ARFIP1: variants seen among roughly 807,000 people sequenced by gnomAD.
The protein encoded by ARFIP1 is arfaptin-1.
In ARFIP1, 24 loss-of-function variants were observed where a neutral mutation model predicts 42.5. That is an observed-to-expected ratio of 0.57 (90% confidence interval 0.41 to 0.80). The LOEUF (loss-of-function observed/expected upper bound fraction) is 0.80, where lower values mean the gene tolerates loss of function less well. ARFIP1 is among the 30% of genes least tolerant of loss of function. ARFIP1 has a pLI of 0.00. For synonymous variants in ARFIP1, 141 were observed against 153.7 expected (o/e 0.92, Z 0.61); for missense variants, 354 against 434.0 (o/e 0.82, Z 1.64).
At chr4:152,904,171 TG>T (rs1561185637) in intron 8 of ARFIP1, among the ~76,000 whole-genome samples, 2 of 32,198 alleles carry the variant, frequency 6.2e-5, no homozygotes, top group African/African-American at 2.2e-4. Context: ...TATATATATG[TG>T]TGTGTGTGTA....
intron 1 of ARFIP1, chr4:152,795,932 A>G (rs554093800): frequency 6.0e-5 from 12 of 198,720 alleles, no homozygotes; most frequent in African/African-American, 1.2e-4. Flanking sequence ...CCCCATTTTA[A>G]TGTTTACAAG....
chr4:152,785,448 G>C (rs912661747), intron 1 of ARFIP1, among the ~76,000 whole-genome samples: 1 of 152,130 alleles, frequency 6.6e-6, no homozygotes, highest in Non-Finnish European at 1.5e-5. Flanking sequence ...GTTTAAGCCC[G>C]TGATCTGTAA....
rs1257834073 is a variant in ARFIP1 at position 152,876,603 on chromosome 4, C to CAGGCCAGCTGCAGAAATTT, written c.411+4040_411+4058dup. 5.9e-5 allele frequency among the ~76,000 whole-genome samples: 9 copies of CAGGCCAGCTGCAGAAATTT among 152,330 alleles called. No homozygotes were observed. The South Asian group carries it at 1.9e-3, about 32-fold the overall frequency. ...AAAAACCCATTTTGGGGGAGAAATT[C>CAGGCCAGCTGCAGAAATTT]AGGCCAGCTGCAGAAATTTGCATAA... is the stretch of plus-strand genomic sequence containing the variant. On this transcript the variant is annotated intron_variant, in intron 5 of 8. Transcript: ENST00000353617.
chr4:152,870,260 T>C (rs2149882635), intron 3 of ARFIP1, among the ~76,000 whole-genome samples: 1 of 152,354 alleles, frequency 6.6e-6, no homozygotes, highest in South Asian at 2.1e-4. Flanking sequence ...AATTTTTGGC[T>C]ACAATTCCTG....
intron 3 of ARFIP1, among the ~76,000 whole-genome samples, chr4:152,870,371 A>T (rs1734776759): frequency 6.6e-6 from 1 of 152,164 alleles, no homozygotes; most frequent in Admixed American, 6.5e-5. Flanking sequence ...CTTTTCCTTT[A>T]TATATGAGAG....
At chr4:152,822,597 A>G (rs1011850364) in intron 1 of ARFIP1, among the ~76,000 whole-genome samples, 1 of 152,224 alleles carries the variant, frequency 6.6e-6, no homozygotes, top group Non-Finnish European at 1.5e-5. Flanking sequence ...CCACCCAGGA[A>G]CCGCAGAATA....
At chr4:152,824,312 A>G (rs1423353926) in intron 1 of ARFIP1, among the ~76,000 whole-genome samples, 1 of 134,134 alleles carries the variant, frequency 7.5e-6, no homozygotes, top group African/African-American at 2.7e-5. Flanking sequence ...GACTCTTATC[A>G]AAAAAAAAAA....
intron 2 of ARFIP1, among the ~76,000 whole-genome samples, chr4:152,837,391 T>C (rs992923517): frequency 3.7e-4 from 56 of 152,316 alleles, no homozygotes; most frequent in African/African-American, 1.3e-3. Flanking sequence ...ACATTCCCAC[T>C]AGCAGTGGAG....
At chr4:152,780,954 C>T (rs1369780419) in intron 1 of ARFIP1, among the ~76,000 whole-genome samples, 3 of 152,180 alleles carry the variant, frequency 2.0e-5, no homozygotes, top group African/African-American at 7.2e-5. Context: ...ACACTTTATA[C>T]TTCCTGCAGA....
chr4:152,829,541 G>C (rs1482857401), intron 1 of ARFIP1, 84 bp from the exon 2 acceptor site: 5 of 747,954 alleles, frequency 6.7e-6, no homozygotes, highest in Non-Finnish European at 1.0e-5. Context: ...ATATTAAAAC[G>C]GTGGCTTGTA....
At chr4:152,895,455 T>C (rs1439449060) in intron 8 of ARFIP1, among the ~76,000 whole-genome samples, 3 of 151,444 alleles carry the variant, frequency 2.0e-5, no homozygotes, top group Non-Finnish European at 4.4e-5. Flanking sequence ...GGTGCAGTCA[T>C]AGCTTACTGT....
chr4:152,808,587 C>T (rs1194170207), intron 1 of ARFIP1, among the ~76,000 whole-genome samples: 1 of 151,824 alleles, frequency 6.6e-6, no homozygotes, highest in Non-Finnish European at 1.5e-5. Context: ...TTTTTACCAA[C>T]TTTTACTTGT....
At chr4:152,844,239 C>T (rs968159452) in intron 2 of ARFIP1, among the ~76,000 whole-genome samples, 1 of 152,200 alleles carries the variant, frequency 6.6e-6, no homozygotes, top group South Asian at 2.1e-4. Context: ...TTCCCACTTC[C>T]GTAGTTGGGG....
At chr4:152,828,286 A>C (rs1480088089) in intron 1 of ARFIP1, among the ~76,000 whole-genome samples, 1 of 152,194 alleles carries the variant, frequency 6.6e-6, no homozygotes, top group African/African-American at 2.4e-5. Flanking sequence ...GAAACTACCA[A>C]ACTCTGTTTC....
intron 8 of ARFIP1, among the ~76,000 whole-genome samples, chr4:152,896,548 A>C (rs964435438): frequency 6.6e-6 from 1 of 152,156 alleles, no homozygotes; most frequent in Non-Finnish European, 1.5e-5. Flanking sequence ...ATGTATAATC[A>C]TATTTTCTTG....
At chr4:152,810,714 G>A (rs932006426) in intron 1 of ARFIP1, among the ~76,000 whole-genome samples, 4 of 152,144 alleles carry the variant, frequency 2.6e-5, no homozygotes, top group African/African-American at 9.7e-5. Flanking sequence ...TACTTGGGAG[G>A]CTGAGGCAGG....
intron 1 of ARFIP1, chr4:152,796,127 T>A: frequency 1.3e-6 from 1 of 749,546 alleles, no homozygotes; most frequent in East Asian, 2.5e-5. Flanking sequence ...CTGGGCATAT[T>A]TCCCCAAATA....
At chr4:152,882,645 T>C in intron 6 of ARFIP1, 78 bp from the exon 7 acceptor site, 2 of 1,356,050 alleles carry the variant, frequency 1.5e-6, no homozygotes, top group Admixed American at 2.0e-5. Flanking sequence ...TATTTTCCCA[T>C]TAGTGACGTG....
intron 2 of ARFIP1, among the ~76,000 whole-genome samples, chr4:152,846,293 C>G (rs1029542209): frequency 6.6e-6 from 1 of 152,074 alleles, no homozygotes. Context: ...TACCCCAAAC[C>G]TCAGCATAAT....
Sources: gnomAD v4.1 joint callset for allele counts (sites outside exome capture counted in the v4.1 genomes callset) on GRCh38, gnomAD v4.1.1 for gene constraint, MANE v1.5 for transcripts, NCBI Gene and HGNC (gene_info 2026-07-23, HGNC 2026-07-21) for gene names.